The following CNGA3 variants were observed in gnomAD, a reference collection of about 807,000 sequenced individuals.
CNGA3 encodes the protein cyclic nucleotide-gated channel alpha-3.
Under a neutral mutation model 46.6 loss-of-function variants are expected in CNGA3, and 42 were observed. The ratio of observed to expected loss-of-function variants is 0.90; its 90% CI spans 0.70 to 1.17. CNGA3 has a LOEUF of 1.17. Among genes scored for constraint, CNGA3 ranks in the 50% most tolerant of loss-of-function variants. The pLI is 0.00. For synonymous variants in CNGA3, 394 were observed against 369.4 expected (o/e 1.07, Z -0.76); for missense variants, 893 against 890.7 (o/e 1.00, Z -0.03).
intron 3 of CNGA3, among the ~76,000 whole-genome samples, chr2:98,378,386 C>T (rs1558812144): frequency 6.6e-6 from 1 of 152,200 alleles, no homozygotes; most frequent in Non-Finnish European, 1.5e-5. Flanking sequence ...GTGCCTACCC[C>T]ACAGGTGGCT....
intron 3 of CNGA3, chr2:98,378,166 T>C: frequency 6.4e-7 from 1 of 1,550,596 alleles, no homozygotes; most frequent in Non-Finnish European, 8.7e-7. Context: ...ATGGTGGTGA[T>C]GAGTCTGAAA....
At chr2:98,356,726 A>C (rs996820030) in intron 1 of CNGA3, among the ~76,000 whole-genome samples, 1 of 152,236 alleles carries the variant, frequency 6.6e-6, no homozygotes. Flanking sequence ...GGTCACAATA[A>C]AAAAGAAGAC....
chr2:98,380,082 G>C, intron 3 of CNGA3, 93 bp from the exon 4 acceptor site: 1 of 1,422,248 alleles, frequency 7.0e-7, no homozygotes, highest in Non-Finnish European at 9.8e-7. Flanking sequence ...CAGACAGAGA[G>C]GGAGGGAGAA....
intron 1 of CNGA3, among the ~76,000 whole-genome samples, chr2:98,361,498 C>T (rs1203965515): frequency 1.3e-5 from 2 of 151,954 alleles, no homozygotes; most frequent in Non-Finnish European, 2.9e-5. Context: ...CATATGCATG[C>T]CTGTATCTTT....
At chr2:98,357,635 A>G (rs546490492) in intron 1 of CNGA3, among the ~76,000 whole-genome samples, 1 of 152,282 alleles carries the variant, frequency 6.6e-6, no homozygotes, top group East Asian at 1.9e-4. Flanking sequence ...CATCATTGGC[A>G]AGGAGTCAGT....
chr2:98,377,793 A>G lies in CNGA3; in HGVS notation c.208A>G (p.Ile70Val), dbSNP rs1044383960. ...GCAGGGCTCCTTCACCGGCCAGGGG[A>G]TCGCCAGGTAACTGACCAGCCTCAG... ...SGQGSFTGQG[I>V]ARLSRLIFLL... is the part of the protein sequence containing the mutation. The change falls in exon 3 of 8, where the codon ATC (isoleucine) becomes GTC (valine). Residue 70 changes from isoleucine (I) to valine (V), a missense_variant. Ile to Val is a conservative substitution (Grantham distance 29, BLOSUM62 3). Around this residue, in one of 3 missense-constraint regions of CNGA3, gnomAD observed 333 missense variants for 290.8 expected, o/e 1.15. Transcript: ENST00000272602. 4 of 1,610,482 alleles carry G rather than the reference A, an allele frequency of 2.5e-6. No individual in the cohort carries two copies. The South Asian group carries it at 3.3e-5, about 13-fold the overall frequency.
intron 1 of CNGA3, among the ~76,000 whole-genome samples, chr2:98,359,279 A>G (rs1691967409): frequency 6.6e-6 from 1 of 152,194 alleles, no homozygotes; most frequent in Non-Finnish European, 1.5e-5. Flanking sequence ...CACATGTATC[A>G]GAACGGTGAT....
chr2:98,385,595 A>G (rs1010752840), intron 5 of CNGA3, among the ~76,000 whole-genome samples: 3 of 152,200 alleles, frequency 2.0e-5, no homozygotes, highest in Non-Finnish European at 4.4e-5. Context: ...TTATATATAC[A>G]TATACTTGTT....
chr2:98,367,167 G>GT (rs1553447811), intron 1 of CNGA3, among the ~76,000 whole-genome samples: 8 of 101,588 alleles, frequency 7.9e-5, no homozygotes, highest in East Asian at 2.5e-4. Context: ...GACATCAGCT[G>GT]TTTTTTTTCT....
chr2:98,389,669 A>T lies in CNGA3; in HGVS notation c.461A>T (p.Lys154Ile), dbSNP rs751066006. 2.5e-6 allele frequency: 4 copies of T among 1,613,996 alleles called. No individual in the cohort carries two copies. Reference protein sequence around the residue: ...SNNTEEEKKTKKKDAIVVDPS... With the variant: ...SNNTEEEKKTIKKDAIVVDPS... ...GTGTGGGTTTCCAGGAAGAAGACGA[A>T]AAAGAAGGATGCGATCGTGGTGGAC... The change falls in exon 6 of 8, where the codon AAA becomes ATA. Residue 154 changes from lysine (K) to isoleucine (I), a missense_variant. Coordinates refer to ENST00000272602, the MANE Select transcript of CNGA3 (RefSeq NM_001298.3).
chr2:98,380,086 G>C, intron 3 of CNGA3, 89 bp from the exon 4 acceptor site: 2 of 1,436,206 alleles, frequency 1.4e-6, no homozygotes, highest in Admixed American at 1.7e-5. Context: ...CAGAGAGGGA[G>C]GGAGAAAGAG....
At chr2:98,384,975 C>T (rs1469304060) in intron 5 of CNGA3, among the ~76,000 whole-genome samples, 1 of 152,222 alleles carries the variant, frequency 6.6e-6, no homozygotes, top group Non-Finnish European at 1.5e-5. Context: ...CTGTCATTTT[C>T]ATATGGTCTC....
intron 7 of CNGA3, among the ~76,000 whole-genome samples, chr2:98,394,978 C>G (rs1363375876): frequency 6.6e-6 from 1 of 152,166 alleles, no homozygotes; most frequent in Non-Finnish European, 1.5e-5. Flanking sequence ...TGCCTACCCA[C>G]CCTTTCTTTT....
chr2:98,348,677 G>C (rs1691701036), intron 1 of CNGA3, among the ~76,000 whole-genome samples: 1 of 152,208 alleles, frequency 6.6e-6, no homozygotes, highest in Admixed American at 6.5e-5. Flanking sequence ...ACTGAGGCTG[G>C]GGGTAAACAG....
chr2:98,346,668 G>A, intron 1 of CNGA3, 134 bp downstream of exon 1: 1 of 390,210 alleles, frequency 2.6e-6, no homozygotes, highest in Non-Finnish European at 4.5e-6. Flanking sequence ...TTCCAGGGGC[G>A]GGCGCGGCGC....
chr2:98,354,609 A>G (rs983964932), intron 1 of CNGA3, among the ~76,000 whole-genome samples: 1 of 152,130 alleles, frequency 6.6e-6, no homozygotes, highest in Admixed American at 6.5e-5. Context: ...ACATAGAGAG[A>G]CACCATCTCT....
Position 98,377,792 on chromosome 2 carries a change from G to A in CNGA3, c.207G>A (p.Gly69=), listed in dbSNP as rs778557545. The A allele has an allele frequency of 2.5e-6, 4 of 1,610,738 alleles. No homozygotes were observed. The East Asian group carries it at 6.7e-5, about 27-fold the overall frequency. The part of the protein sequence containing the change: ...DSGQGSFTGQ[G]IARLSRLIFL... ...GGCAGGGCTCCTTCACCGGCCAGGG[G>A]ATCGCCAGGTAACTGACCAGCCTCA... Residue 69 remains glycine, a synonymous_variant, in exon 3 of 8, where the codon GGG becomes GGA. Transcript: ENST00000272602.
chr2:98,359,719 C>T (rs556441816), intron 1 of CNGA3, among the ~76,000 whole-genome samples: 2 of 152,330 alleles, frequency 1.3e-5, no homozygotes, highest in Non-Finnish European at 2.9e-5. Flanking sequence ...CCCTGCACAC[C>T]TGTCTGTGGA....
At chr2:98,378,285 C>T in intron 3 of CNGA3, 10 of 1,448,858 alleles carry the variant, frequency 6.9e-6, no homozygotes, top group African/African-American at 1.4e-5. Context: ...CTGCTTCCCC[C>T]TGATGACATC....
Sources: gnomAD v4.1 joint callset for allele counts (sites outside exome capture counted in the v4.1 genomes callset) on GRCh38, gnomAD v4.1.1 for gene constraint, gnomAD v4.1.1 regional missense constraint, MANE v1.5 for transcripts, NCBI Gene and HGNC (gene_info 2026-07-23, HGNC 2026-07-21) for gene names.